CREB5: variants seen among roughly 807,000 people sequenced by gnomAD.
The protein encoded by CREB5 is cAMP responsive element binding protein 5.
In CREB5, 19 loss-of-function variants were observed where a neutral mutation model predicts 57.1. The ratio of observed to expected loss-of-function variants is 0.33; its 90% CI spans 0.23 to 0.49. The LOEUF is 0.49. Ranked by LOEUF, CREB5 falls within the 20% of genes least tolerant of loss-of-function variation. The pLI, the probability that CREB5 is intolerant of heterozygous loss-of-function variation, is 0.99. For synonymous variants in CREB5, 238 were observed against 238.3 expected (o/e 1.00, Z 0.01); for missense variants, 579 against 671.6 (o/e 0.86, Z 1.52).
chr7:28,488,762 G>T (rs762566502), intron 2 of CREB5, among the ~76,000 whole-genome samples: 14 of 152,214 alleles, frequency 9.2e-5, no homozygotes, highest in Non-Finnish European at 1.8e-4. Flanking sequence ...AGGATAAATT[G>T]TCCTGCTGTG....
intron 1 of CREB5, among the ~76,000 whole-genome samples, chr7:28,462,004 T>G (rs2128576024): frequency 6.6e-6 from 1 of 152,282 alleles, no homozygotes; most frequent in Admixed American, 6.5e-5. Flanking sequence ...TTATCACCAT[T>G]GTCTCATTTT....
At chr7:28,308,105 T>A (rs1307839954) in intron 1 of CREB5, among the ~76,000 whole-genome samples, 2 of 152,058 alleles carry the variant, frequency 1.3e-5, no homozygotes, top group Non-Finnish European at 2.9e-5. Context: ...CAGAGACACA[T>A]CCAGAGCAAA....
At chr7:28,489,501 C>T (rs1196889550) in intron 2 of CREB5, among the ~76,000 whole-genome samples, 1 of 151,866 alleles carries the variant, frequency 6.6e-6, no homozygotes, top group Admixed American at 6.6e-5. Flanking sequence ...CGGGGTTTCA[C>T]CTTGTTAGCC....
intron 1 of CREB5, among the ~76,000 whole-genome samples, chr7:28,319,955 A>G (rs997844668): frequency 1.2e-4 from 18 of 151,902 alleles, no homozygotes; most frequent in Non-Finnish European, 2.1e-4. Context: ...TTTTGAGACA[A>G]GTTCTCGCTC....
In CREB5 at chr7:28,535,444, A is replaced by G. The variant is rs1201697859; in HGVS notation, c.291+27707A>G. The stretch of plus-strand genomic sequence containing the variant: ...AGGCAGGGAAGGAAGGAGAGAAGGA[A>G]GGAAAAAATGGGAGTAGAAGTCTCA... On this transcript the variant is annotated intron_variant, in intron 4 of 10. Coordinates refer to ENST00000357727, the MANE Select transcript of CREB5 (RefSeq NM_182898.4). Among the ~76,000 whole-genome samples, 3 of 129,018 alleles carry G rather than the reference A, an allele frequency of 2.3e-5. 1 individual carries two copies. The highest frequency in any genetic ancestry group is 5.3e-5 in the Non-Finnish European group (3 of 56,764). 84.6% of individuals were successfully genotyped at this position (129,018 alleles called of 152,430 possible).
intron 5 of CREB5, among the ~76,000 whole-genome samples, chr7:28,611,872 G>T (rs1212624589): frequency 5.3e-5 from 8 of 151,944 alleles, no homozygotes; most frequent in Non-Finnish European, 1.2e-4. Context: ...TGTTGCAAGG[G>T]TGAATTTTAC....
At chr7:28,600,319 T>C (rs550254094) in intron 5 of CREB5, among the ~76,000 whole-genome samples, 10 of 152,280 alleles carry the variant, frequency 6.6e-5, no homozygotes, top group South Asian at 4.2e-4. Flanking sequence ...TCTCCTCCCG[T>C]GTCCAGCTAA....
intron 1 of CREB5, among the ~76,000 whole-genome samples, chr7:28,485,924 A>G (rs1791525204): frequency 6.6e-6 from 1 of 152,170 alleles, no homozygotes; most frequent in African/African-American, 2.4e-5. Context: ...AATCAAATGA[A>G]CAGTGAAATG....
At chr7:28,423,077 C>T (rs1447267006) in intron 1 of CREB5, among the ~76,000 whole-genome samples, 1 of 152,062 alleles carries the variant, frequency 6.6e-6, no homozygotes, top group Non-Finnish European at 1.5e-5. Flanking sequence ...AGGTATCCTT[C>T]CCTCCCTTCT....
chr7:28,576,447 T>A (rs1187244552), intron 5 of CREB5, among the ~76,000 whole-genome samples: 1 of 152,184 alleles, frequency 6.6e-6, no homozygotes, highest in Non-Finnish European at 1.5e-5. Flanking sequence ...ATGGGTCTAT[T>A]GGACTCAAAA....
chr7:28,666,371 T>C (rs1395735509), intron 5 of CREB5, among the ~76,000 whole-genome samples: 1 of 152,144 alleles, frequency 6.6e-6, no homozygotes, highest in African/African-American at 2.4e-5. Context: ...TAGATCCCTG[T>C]TCTTATGAGA....
upstream of CREB5, chr7:28,410,519 G>C (rs148915001): frequency 3.5e-3 from 1,587 of 456,684 alleles, 20 homozygotes; most frequent in African/African-American, 0.027. Flanking sequence ...CTTTGCCATA[G>C]ATTTATTTTT....
intron 5 of CREB5, among the ~76,000 whole-genome samples, chr7:28,705,407 A>G (rs1583582287): frequency 6.6e-6 from 1 of 151,896 alleles, no homozygotes; most frequent in African/African-American, 2.4e-5. Context: ...AAACCAAGCT[A>G]TCATGACAGA....
intron 5 of CREB5, among the ~76,000 whole-genome samples, chr7:28,653,154 C>A (rs566971327): frequency 6.6e-6 from 1 of 152,242 alleles, no homozygotes; most frequent in East Asian, 1.9e-4. Context: ...TCCTTTTAAT[C>A]GAAACATGTG....
In CREB5 at chr7:28,685,957, GGGA is replaced by G. The variant is rs1800874776; in HGVS notation, c.465-32790_465-32788del. 30 of 563,962 alleles carry G rather than the reference GGGA, an allele frequency of 5.3e-5. 2 individuals are homozygous for G. The South Asian group carries it at 6.5e-4, about 12-fold the overall frequency. 34.9% of individuals were successfully genotyped at this position (563,962 alleles called of 1,614,324 possible). On this transcript the variant is annotated intron_variant, in intron 5 of 10. Coordinates refer to ENST00000357727, the MANE Select transcript of CREB5 (RefSeq NM_182898.4). ...TAGCACTGAGCTAAAAAGGAGAAGG[GGGA>G]GGAGGGCGAGACCAGGAGAAAGAGA...
intron 1 of CREB5, among the ~76,000 whole-genome samples, chr7:28,365,397 C>A (rs149161204): frequency 3.3e-5 from 5 of 152,258 alleles, no homozygotes; most frequent in African/African-American, 1.2e-4. Context: ...CTCACCTTTG[C>A]TCCCGGAATT....
At chr7:28,492,751 AGT>A (rs1791859691) in intron 2 of CREB5, among the ~76,000 whole-genome samples, 2 of 148,638 alleles carry the variant, frequency 1.3e-5, no homozygotes. Context: ...TTTAAAATAT[AGT>A]GTATATATAA....
At chr7:28,364,716 A>G (rs4722786) in intron 1 of CREB5, among the ~76,000 whole-genome samples, 37,054 of 151,952 alleles carry the variant, frequency 0.24, 4,658 homozygotes, top group Non-Finnish European at 0.25. Context: ...CCTTGCCAAT[A>G]TTTGTCTAAA....
At chr7:28,651,124 G>T (rs1355613623) in intron 5 of CREB5, among the ~76,000 whole-genome samples, 1 of 151,832 alleles carries the variant, frequency 6.6e-6, no homozygotes, top group East Asian at 1.9e-4. Flanking sequence ...AAGTGGGTTT[G>T]CACCTTCTGG....
Sources: allele counts gnomAD v4.1 joint callset (sites outside exome capture counted in the v4.1 genomes callset), GRCh38; gene constraint gnomAD v4.1.1; transcripts MANE v1.5; gene names NCBI Gene and HGNC (gene_info 2026-07-23, HGNC 2026-07-21).